PLEC: variants seen among roughly 807,000 people sequenced by gnomAD.
The protein encoded by PLEC is hemidesmosomal protein 1.
In PLEC, 216 loss-of-function variants were observed where a neutral mutation model predicts 392.8. The observed-to-expected ratio is 0.55, with a 90% confidence interval of 0.49 to 0.62. The LOEUF is 0.62. Among genes scored for constraint, PLEC ranks in the 20% least tolerant of loss-of-function variants. PLEC has a pLI of 0.00. For synonymous variants in PLEC, 3,621 were observed against 2,980.6 expected (o/e 1.21, Z -7.00); for missense variants, 6,863 against 6,563.4 (o/e 1.05, Z -1.58).
upstream of PLEC, among the ~76,000 whole-genome samples, chr8:143,941,661 C>T (rs1554728786): frequency 6.8e-6 from 1 of 146,846 alleles, no homozygotes; most frequent in Non-Finnish European, 1.5e-5. Context: ...CATCACCTCC[C>T]CTCCCTCCCA....
rs782159377 is a variant in PLEC, at chr8:143,934,093, T to TGCA, written c.1170-5_1170-3dup. The TGCA allele has an allele frequency of 1.9e-6, 3 of 1,611,146 alleles. No homozygotes were observed. In the East Asian group the frequency reaches 6.7e-5, roughly 36 times the overall value. On this transcript the variant is annotated splice_polypyrimidine_tract_variant and splice_region_variant and intron_variant, in intron 11 of 31. Coordinates refer to ENST00000345136, the MANE Select transcript of PLEC (RefSeq NM_201384.3). ...ACGATGCGCTGAAGACACTCCAGCCTGCAGCAGCAGCACAGGGAAGGGGCC... is the reference window on the plus strand; with the variant it reads ...ACGATGCGCTGAAGACACTCCAGCCTGCAGCAGCAGCAGCACAGGGAAGGGGCC...
At chr8:143,956,760 T>A (rs1554739362), upstream of PLEC, among the ~76,000 whole-genome samples, 4 of 152,290 alleles carry the variant, frequency 2.6e-5, no homozygotes, top group South Asian at 8.3e-4. Context: ...ATCGACAAGC[T>A]GCAGCAGCAG....
chr8:143,922,491 G>C lies in PLEC; in HGVS notation c.7425+13C>G. ...CGGGCCCACCCGCCCGTCGCACGTAGAGGGGGCGGTACCTCCTCAGACTTG... is the reference window on the plus strand; with the variant it reads ...CGGGCCCACCCGCCCGTCGCACGTACAGGGGGCGGTACCTCCTCAGACTTG... On this transcript the variant is annotated intron_variant, in intron 31 of 31. Transcript: ENST00000345136. 3.7e-6 allele frequency: 6 copies of C among 1,606,302 alleles called. No individual in the cohort carries two copies. Among genetic ancestry groups the C allele is most frequent in the Non-Finnish European group, 5.1e-6 (6 of 1,179,960 alleles).
At position 143,932,580 on chromosome 8, in the gene PLEC, G is replaced by A. The variant is rs181965876; in HGVS notation, c.1816-19C>T. On this transcript the variant is annotated intron_variant, in intron 15 of 31. Transcript: ENST00000345136. The stretch of plus-strand genomic sequence containing the variant: ...AGGAGTTCTGTGGGCAGGAGGGTGC[G>A]TGTCAGCAGGCCGCGGGCTACCCAC... 12 of 1,612,300 alleles carry A rather than the reference G, an allele frequency of 7.4e-6. No homozygotes were observed. The highest frequency in any genetic ancestry group is 6.7e-5 in the East Asian group (3 of 44,862).
chr8:143,931,075 G>A (rs1205686487), intron 19 of PLEC, among the ~76,000 whole-genome samples: 3 of 152,170 alleles, frequency 2.0e-5, no homozygotes, highest in Admixed American at 1.3e-4. Context: ...CAGATCTCAG[G>A]CCAAACAGCT....
At position 143,931,602 on chromosome 8, in the gene PLEC, G is replaced by A. The variant is rs782156696; in HGVS notation, c.2236C>T (p.Arg746Cys). 243 of 1,600,198 alleles carry A rather than the reference G, an allele frequency of 1.5e-4. No homozygotes were observed. The highest frequency in any genetic ancestry group is 2.0e-4 in the Non-Finnish European group (236 of 1,173,926). Residue 746 changes from arginine (R) to cysteine (C), a missense_variant, in exon 19 of 32, where the codon CGT becomes TGT. Arg to Cys is a radical substitution (Grantham distance 180, BLOSUM62 -3). Coordinates refer to ENST00000345136, the MANE Select transcript of PLEC (RefSeq NM_201384.3). The stretch of plus-strand genomic sequence containing the variant: ...GAGCGATCACAACTGTATTTCCTAC[G>A]CAGTGCCTCCTGCAGCTTCTGCAAC... ...GQLQKLQEAL[R>C]RKYSCDRSAT...
In PLEC at chr8:143,945,391, G is replaced by A. The variant is rs1188942560; in HGVS notation, c.523+4793C>T. ...TGCTCTGTGGAAGGCCTGGGTCAGA[G>A]AGCCGGGCCACAGGCAGGCCCACAG... On this transcript the variant is annotated intron_variant, in intron 1 of 31. Transcript: ENST00000322810. The A allele has an allele frequency of 4.6e-5, 15 of 323,172 alleles. No homozygotes were observed. In the Admixed American group the frequency reaches 6.8e-4, roughly 15 times the overall value. 20.0% of individuals were successfully genotyped at this position (323,172 alleles called of 1,614,324 possible).
At position 143,916,572 on chromosome 8, in the gene PLEC, C is replaced by G; in HGVS notation, c.13249G>C (p.Val4417Leu). Residue 4417 changes from valine to leucine, a missense_variant, in exon 32 of 32, where the codon GTG becomes CTG. By Grantham distance (32) the Val-to-Leu change is conservative (BLOSUM62 1). Coordinates refer to ENST00000345136, the MANE Select transcript of PLEC (RefSeq NM_201384.3). ...PLDEALQRGT[V>L]DARTAQKLRD... is the part of the protein sequence containing the mutation. ...AGCTTCTGTGCGGTGCGGGCGTCCA[C>G]CGTGCCGCGCTGCAGGGCCTCGTCC... 1 of 1,611,582 alleles carries G rather than the reference C, an allele frequency of 6.2e-7. No individual in the cohort carries two copies. The highest frequency in any genetic ancestry group is 8.5e-7 in the Non-Finnish European group (1 of 1,179,580).
rs1586785168 is a variant in PLEC at position 143,918,639 on chromosome 8, C to G, written c.11182G>C (p.Ala3728Pro). 6.2e-7 allele frequency: 1 copy of G among 1,612,762 alleles called. No individual in the cohort carries two copies. The highest frequency in any genetic ancestry group is 8.5e-7 in the Non-Finnish European group (1 of 1,179,980). Residue 3728 changes from alanine to proline, a missense_variant, in exon 32 of 32, where the codon GCA (alanine) becomes CCA (proline). Ala to Pro is a conservative substitution (Grantham distance 27). Transcript: ENST00000345136. ...GGGTCCAGCAGGAAGCCTGTGGCTG[C>G]CTGTGCCTCCAGCAGCAGGCGGGCC... Reference protein sequence around the residue: ...EVARLLLEAQAATGFLLDPVK... With the variant: ...EVARLLLEAQPATGFLLDPVK...
rs968027123 is a variant in PLEC at position 143,925,797 on chromosome 8, C to T, written c.4132G>A (p.Ala1378Thr). The T allele has an allele frequency of 6.4e-7, 1 of 1,574,608 alleles. No homozygotes were observed. Among genetic ancestry groups the T allele is most frequent in the Admixed American group, 1.8e-5 (1 of 56,956 alleles). ...GCCTGTGCCTTTGCCTGGGCGTGCGCCTCGGCCAGCTGCCGCTGCTTCTCC... is the reference window on the plus strand; with the variant it reads ...GCCTGTGCCTTTGCCTGGGCGTGCGTCTCGGCCAGCTGCCGCTGCTTCTCC... ...ALEKQRQLAEAHAQAKAQAER... is the reference protein window; with the variant it reads ...ALEKQRQLAETHAQAKAQAER... Residue 1378 changes from alanine to threonine, a missense_variant, in exon 31 of 32, where the codon GCG becomes ACG. Physicochemically the swap from Ala to Thr is moderately conservative, Grantham distance 58. Coordinates refer to ENST00000345136, the MANE Select transcript of PLEC (RefSeq NM_201384.3).
chr8:143,924,546 G>A lies in PLEC; in HGVS notation c.5383C>T (p.Arg1795Trp), dbSNP rs782002901. ...SKQRLEAEAG[R>W]FRELAEEAAR... is the part of the protein sequence containing the mutation. Reference sequence around the variant, plus strand: ...GCCTCCTCGGCCAGCTCGCGGAACCGGCCGGCCTCGGCCTCCAGCCTCTGC... The same window carrying A: ...GCCTCCTCGGCCAGCTCGCGGAACCAGCCGGCCTCGGCCTCCAGCCTCTGC... The change falls in exon 31 of 32, where the codon CGG (arginine) becomes TGG (tryptophan). Residue 1795 changes from arginine to tryptophan, a missense_variant. By Grantham distance (101) the Arg-to-Trp change is moderately radical. Coordinates refer to ENST00000345136, the MANE Select transcript of PLEC (RefSeq NM_201384.3). The A allele has an allele frequency of 9.7e-6, 15 of 1,541,546 alleles. No homozygotes were observed. Among genetic ancestry groups the A allele is most frequent in the South Asian group, 4.7e-5 (4 of 84,970 alleles).
At position 143,924,876 on chromosome 8, in the gene PLEC, G is replaced by T. The variant is rs781802082; in HGVS notation, c.5053C>A (p.Arg1685=). 6.3e-7 allele frequency: 1 copy of T among 1,588,690 alleles called. No homozygotes were observed. The highest frequency in any genetic ancestry group is 8.5e-7 in the Non-Finnish European group (1 of 1,175,106). ...RRGKAEEQAV[R]QRELAEQELE... The stretch of plus-strand genomic sequence containing the variant: ...TCTTGTTCAGCCAGCTCCCGCTGCC[G>T]GACGGCCTGCTCCTCCGCCTTGCCG... Residue 1685 remains arginine, a synonymous_variant, in exon 31 of 32, where the codon CGG becomes AGG. Transcript: ENST00000345136.
In PLEC at chr8:143,929,747, T is replaced by C. The variant is rs1554711844; in HGVS notation, c.2822A>G (p.Gln941Arg). Residue 941 changes from glutamine to arginine, a missense_variant, in exon 23 of 32, where the codon CAG (glutamine) becomes CGG (arginine). Transcript: ENST00000345136. ...LHYQAFLRDS[Q>R]DAGGFGPEDR... is the part of the protein sequence containing the mutation. ...CTCGGGTCCGAAGCCGCCCGCGTCC[T>C]GGCTGTCCCGCAGGAAGGCCTGGTA... The C allele has an allele frequency of 9.4e-6, 15 of 1,600,018 alleles. No homozygotes were observed. Among genetic ancestry groups the C allele is most frequent in the East Asian group, 4.5e-5 (2 of 44,830 alleles).
At chr8:143,962,350 G>A (rs1454619739) in intron 1 of PLEC, among the ~76,000 whole-genome samples, 3 of 152,348 alleles carry the variant, frequency 2.0e-5, no homozygotes, top group East Asian at 3.9e-4. Context: ...CGGAGAAAGC[G>A]TGGACCTGCC....
In PLEC at chr8:143,918,030, C is replaced by A. The variant is rs1554673762; in HGVS notation, c.11791G>T (p.Gly3931Cys). The A allele has an allele frequency of 6.2e-7, 1 of 1,609,374 alleles. No homozygotes were observed. Among genetic ancestry groups the A allele is most frequent in the East Asian group, 2.2e-5 (1 of 44,784 alleles). The change falls in exon 32 of 32, where the codon GGC becomes TGC. Residue 3931 changes from glycine to cysteine, a missense_variant. Coordinates refer to ENST00000345136, the MANE Select transcript of PLEC (RefSeq NM_201384.3). ...VTKNLQKFLE[G>C]TSCIAGVFVD... ...AAGACACCAGCGATGCAGCTGGTGC[C>A]TTCCAGGAACTTCTGCAAGTTCTTG...
At chr8:143,958,283 G>A (rs1323270069), upstream of PLEC, among the ~76,000 whole-genome samples, 2 of 152,156 alleles carry the variant, frequency 1.3e-5, no homozygotes, top group Non-Finnish European at 2.9e-5. This position sits in a 1 kb window ranked among gnomAD's most constrained non-coding sequence, Gnocchi z 4.9. Flanking sequence ...CACCACTGCG[G>A]GACTGGATGC....
At position 143,918,264 on chromosome 8, in the gene PLEC, C is replaced by T. The variant is rs535152020; in HGVS notation, c.11557G>A (p.Glu3853Lys). The change falls in exon 32 of 32, where the codon GAG becomes AAG. Residue 3853 changes from glutamate to lysine, a missense_variant. Physicochemically the swap from Glu to Lys is moderately conservative, Grantham distance 56. Coordinates refer to ENST00000345136, the MANE Select transcript of PLEC (RefSeq NM_201384.3). ...AGCAGCTGCGTGTAGCTGAGGCGCT[C>T]GTCGGTGGACGGGTCCACGTAGCTG... The part of the protein sequence containing the change: ...VRSYVDPSTD[E>K]RLSYTQLLRR... The T allele has an allele frequency of 3.8e-5, 61 of 1,591,582 alleles. No individual in the cohort carries two copies. The highest frequency in any genetic ancestry group is 3.7e-4 in the South Asian group (33 of 90,392).
chr8:143,916,702 G>A lies in PLEC; in HGVS notation c.13119C>T (p.Ala4373=), dbSNP rs1173661464. Residue 4373 remains alanine (A), a synonymous_variant, in exon 32 of 32, where the codon GCC becomes GCT. Transcript: ENST00000345136. ...CGTAGTAGAGCCAGCCCTTCTTCAG[G>A]GCCTGGGCGGCCGACATCTTGGTCT... ...RTKTKMSAAQ[A]LKKGWLYYEA... 1.2e-6 allele frequency: 2 copies of A among 1,612,626 alleles called. No homozygotes were observed. Among genetic ancestry groups the A allele is most frequent in the Non-Finnish European group, 1.7e-6 (2 of 1,179,870 alleles).
intron 6 of PLEC, 75 bp downstream of exon 6, chr8:143,935,773 G>C: frequency 1.3e-6 from 2 of 1,513,342 alleles, no homozygotes; most frequent in Non-Finnish European, 1.8e-6. Flanking sequence ...CTGCCCCAAC[G>C]TGTCTGAAGT....
Sources: gnomAD v4.1 joint callset for allele counts (sites outside exome capture counted in the v4.1 genomes callset) on GRCh38, gnomAD v4.1.1 for gene constraint, Gnocchi (gnomAD v3.1) non-coding constraint, MANE v1.5 for transcripts, NCBI Gene and HGNC (gene_info 2026-07-23, HGNC 2026-07-21) for gene names.